Variants in ADAMTS19 observed in about 807,000 individuals in gnomAD.
The protein encoded by ADAMTS19 is A disintegrin and metalloproteinase with thrombospondin motifs 19.
A neutral mutation model predicts 153.3 loss-of-function variants in ADAMTS19; 93 were observed. The observed-to-expected ratio is 0.61, with a 90% CI of 0.51 to 0.72. The LOEUF is 0.72. ADAMTS19 is among the 30% of genes least tolerant of loss of function. The pLI, the probability that ADAMTS19 is intolerant of heterozygous loss-of-function variation, is 0.00. For synonymous variants in ADAMTS19, 600 were observed against 556.6 expected (o/e 1.08, Z -1.10); for missense variants, 1,482 against 1,552.1 (o/e 0.95, Z 0.76).
At chr5:129,591,742 C>A (rs998243221) in intron 7 of ADAMTS19, among the ~76,000 whole-genome samples, 1 of 152,112 alleles carries the variant, frequency 6.6e-6, no homozygotes, top group Admixed American at 6.5e-5. Flanking sequence ...TTAACTGGAA[C>A]TTCGCCAGGA....
At chr5:129,736,289 G>C (rs1757660915) in intron 22 of ADAMTS19, among the ~76,000 whole-genome samples, 1 of 151,904 alleles carries the variant, frequency 6.6e-6, no homozygotes, top group Non-Finnish European at 1.5e-5. Context: ...ATTCCTTGAA[G>C]GTATACCCCA....
At chr5:129,662,997 C>T (rs180765911) in intron 15 of ADAMTS19, among the ~76,000 whole-genome samples, 9 of 148,568 alleles carry the variant, frequency 6.1e-5, no homozygotes, top group African/African-American at 1.5e-4. Context: ...CGGGTTCAAG[C>T]GGTTCTTCTG....
At chr5:129,491,563 A>G (rs1581002802) in intron 2 of ADAMTS19, among the ~76,000 whole-genome samples, 3 of 152,282 alleles carry the variant, frequency 2.0e-5, no homozygotes, top group East Asian at 1.9e-4. Context: ...TTAACTTTGT[A>G]TATCAGAATT....
chr5:129,486,147 A>C (rs1313634078), intron 2 of ADAMTS19, among the ~76,000 whole-genome samples: 1 of 152,134 alleles, frequency 6.6e-6, no homozygotes, highest in Admixed American at 6.6e-5. Flanking sequence ...GACCCAAATG[A>C]CTTCATTGGT....
At chr5:129,661,716 T>C (rs942496353) in intron 15 of ADAMTS19, among the ~76,000 whole-genome samples, 5 of 152,208 alleles carry the variant, frequency 3.3e-5, no homozygotes, top group Admixed American at 6.5e-5. Flanking sequence ...TTCAGAGGAA[T>C]AAAAGGCAAA....
intron 5 of ADAMTS19, among the ~76,000 whole-genome samples, 174 bp from the exon 6 acceptor site, chr5:129,528,346 T>C (rs542735908): frequency 1.3e-5 from 2 of 152,200 alleles, no homozygotes; most frequent in African/African-American, 4.8e-5. Context: ...CACCAAGTTT[T>C]AAGCTTTTAA....
intron 14 of ADAMTS19, among the ~76,000 whole-genome samples, chr5:129,655,842 C>T (rs1047663888): frequency 6.6e-6 from 1 of 152,120 alleles, no homozygotes; most frequent in Non-Finnish European, 1.5e-5. Flanking sequence ...CATGTAAAAC[C>T]ATTGGCATAA....
intron 15 of ADAMTS19, among the ~76,000 whole-genome samples, chr5:129,660,853 G>T: frequency 6.6e-6 from 1 of 151,990 alleles, no homozygotes; most frequent in Non-Finnish European, 1.5e-5. Flanking sequence ...GGACCTTAAG[G>T]TCTACATGTG....
intron 19 of ADAMTS19, among the ~76,000 whole-genome samples, chr5:129,695,371 T>A (rs1755506914): frequency 6.6e-6 from 1 of 152,070 alleles, no homozygotes; most frequent in Admixed American, 6.6e-5. Flanking sequence ...GTGACCCAGG[T>A]CCCAGTTACT....
intron 7 of ADAMTS19, among the ~76,000 whole-genome samples, chr5:129,572,992 A>G (rs924477474): frequency 3.3e-5 from 5 of 152,082 alleles, no homozygotes; most frequent in Non-Finnish European, 7.4e-5. Context: ...TAGCATTACA[A>G]CTGTGTATTC....
intron 18 of ADAMTS19, among the ~76,000 whole-genome samples, chr5:129,684,709 CG>C (rs1754996066): frequency 6.6e-6 from 1 of 151,806 alleles, no homozygotes; most frequent in South Asian, 2.1e-4. Context: ...TTATTTGGGC[CG>C]GGCGCGGTGG....
rs937997387 is a variant in ADAMTS19, at chr5:129,570,081, T to C, written c.1372+18174T>C. On this transcript the variant is annotated intron_variant, in intron 7 of 22. Transcript: ENST00000274487. ...GTTCTCCTGTTGATTTATGTTCCTA[T>C]TGATTTATGCTCCTGGGAAATCAAA... Among the ~76,000 whole-genome samples, 10 of 151,986 alleles carry C rather than the reference T, an allele frequency of 6.6e-5. 1 individual carries two copies. The highest frequency in any genetic ancestry group is 6.6e-4 in the Admixed American group (10 of 15,248).
At chr5:129,570,736 T>G (rs1250390888) in intron 7 of ADAMTS19, among the ~76,000 whole-genome samples, 1 of 151,956 alleles carries the variant, frequency 6.6e-6, no homozygotes, top group Admixed American at 6.6e-5. Context: ...CAAGTGGGGC[T>G]TATCTCAGGA....
At chr5:129,578,644 C>A (rs542233667) in intron 7 of ADAMTS19, among the ~76,000 whole-genome samples, 1 of 151,912 alleles carries the variant, frequency 6.6e-6, no homozygotes, top group Admixed American at 6.6e-5. Context: ...CTCCCTGTGT[C>A]CATGTGTTCT....
intron 10 of ADAMTS19, among the ~76,000 whole-genome samples, chr5:129,625,603 G>C (rs1751998073): frequency 6.6e-6 from 1 of 152,110 alleles, no homozygotes; most frequent in Non-Finnish European, 1.5e-5. Flanking sequence ...GTGATAATGA[G>C]CATTTTTTCA....
chr5:129,704,144 C>T (rs1756035303), intron 20 of ADAMTS19, 95 bp from the exon 21 acceptor site: 3 of 1,314,878 alleles, frequency 2.3e-6, no homozygotes, highest in South Asian at 1.4e-5. Flanking sequence ...GTGATGGGCT[C>T]ATAACAGATT....
At chr5:129,608,022 T>A (rs924479631) in intron 8 of ADAMTS19, among the ~76,000 whole-genome samples, 1 of 147,086 alleles carries the variant, frequency 6.8e-6, no homozygotes, top group Admixed American at 6.9e-5. Flanking sequence ...ATTTATTATA[T>A]ATGTATTACT....
intron 7 of ADAMTS19, among the ~76,000 whole-genome samples, chr5:129,576,076 G>A (rs1754088674): frequency 6.6e-6 from 1 of 151,582 alleles, no homozygotes; most frequent in Non-Finnish European, 1.5e-5. Context: ...GGGTCTCGGT[G>A]GTGTAGTTTG....
At chr5:129,640,659 G>C (rs1752748319) in intron 10 of ADAMTS19, among the ~76,000 whole-genome samples, 1 of 151,812 alleles carries the variant, frequency 6.6e-6, no homozygotes. Context: ...TCTCCCCCAT[G>C]ATATTCCTAC....
Sources: allele counts gnomAD v4.1 joint callset (sites outside exome capture counted in the v4.1 genomes callset), GRCh38; gene constraint gnomAD v4.1.1; transcripts MANE v1.5; gene names NCBI Gene and HGNC (gene_info 2026-07-23, HGNC 2026-07-21).